Variants in ERC2 observed in about 807,000 individuals in gnomAD.
The protein encoded by ERC2 is ERC protein 2.
A neutral mutation model predicts 114.8 loss-of-function variants in ERC2; 42 were observed. The observed-to-expected ratio is 0.37, with a 90% CI of 0.29 to 0.47. ERC2 has a LOEUF of 0.47. Ranked by LOEUF, ERC2 falls within the 20% of genes least tolerant of loss-of-function variation. ERC2 has a pLI of 0.99. For synonymous variants in ERC2, 454 were observed against 425.5 expected, an observed-to-expected ratio of 1.07 and a Z score of -0.82; for missense variants, 939 against 1,150.7, an observed-to-expected ratio of 0.82 and a Z score of 2.66.
rs370930623 is a variant in ERC2 at position 55,969,187 on chromosome 3, C to A, written c.2267+16790G>T. On this transcript the variant is annotated intron_variant, in intron 12 of 17. Coordinates refer to ENST00000288221, the MANE Select transcript of ERC2 (RefSeq NM_015576.3). The stretch of plus-strand genomic sequence containing the variant: ...CAATCACTTCCAAACAACTCTCCTG[C>A]CCTACAGGAGAAAATTAAAGGTAAA... Among the ~76,000 whole-genome samples the A allele has an allele frequency of 2.0e-5, 3 of 152,102 alleles. No homozygotes were observed. In the South Asian group the frequency reaches 6.2e-4, roughly 31 times the overall value.
chr3:56,111,285 CTT>C (rs1344107175), intron 6 of ERC2, among the ~76,000 whole-genome samples: 7 of 151,774 alleles, frequency 4.6e-5, no homozygotes, highest in Non-Finnish European at 1.0e-4. Context: ...CTCGCTCCCT[CTT>C]TCTCTCTCCC....
chr3:55,679,157 C>A (rs972782474), intron 17 of ERC2, among the ~76,000 whole-genome samples: 1 of 152,170 alleles, frequency 6.6e-6, no homozygotes, highest in Non-Finnish European at 1.5e-5. Context: ...AAAGGCCCTA[C>A]GTTTTCTGGT....
At chr3:56,378,071 T>C (rs1343737249) in intron 2 of ERC2, among the ~76,000 whole-genome samples, 5 of 152,024 alleles carry the variant, frequency 3.3e-5, no homozygotes, top group African/African-American at 4.8e-5. Context: ...TACCTTCCAT[T>C]TGGGAACCCA....
At chr3:55,822,484 C>T (rs1238218084) in intron 14 of ERC2, among the ~76,000 whole-genome samples, 1 of 151,880 alleles carries the variant, frequency 6.6e-6, no homozygotes, top group African/African-American at 2.4e-5. Context: ...AGTGAGCATG[C>T]TTAATTGGTT....
intron 4 of ERC2, among the ~76,000 whole-genome samples, chr3:56,165,670 C>G (rs767713309): frequency 9.9e-5 from 15 of 151,792 alleles, no homozygotes; most frequent in Non-Finnish European, 2.1e-4. Context: ...TAGACTTGCT[C>G]TTATATATTT....
At chr3:56,359,947 C>G (rs1283335127) in intron 2 of ERC2, among the ~76,000 whole-genome samples, 3 of 152,140 alleles carry the variant, frequency 2.0e-5, no homozygotes, top group Non-Finnish European at 4.4e-5. Context: ...TCCCCTTAGG[C>G]CCCACCTTCA....
chr3:56,071,646 C>A lies in ERC2; in HGVS notation c.1641+9171G>T, dbSNP rs150965228. 2.6e-5 allele frequency among the ~76,000 whole-genome samples: 4 copies of A among 152,330 alleles called. No individual in the cohort carries two copies. The South Asian group carries it at 8.3e-4, about 32-fold the overall frequency. ...AATGAATGGGCAGGCTTCCCTGACT[C>A]TCTTTAATTGTTCCATTAGAGGGTA... On this transcript the variant is annotated intron_variant, in intron 7 of 17. Transcript: ENST00000288221.
chr3:56,161,907 C>T (rs13088316), intron 4 of ERC2, among the ~76,000 whole-genome samples: 20,611 of 152,106 alleles, frequency 0.14, 1,878 homozygotes, highest in Admixed American at 0.2. Context: ...CTGGCTAGCA[C>T]TTCCAGTACT....
In ERC2 at chr3:56,158,618, C is replaced by T. The variant is rs144482886; in HGVS notation, c.1150-9486G>A. ...CCCGTACAGGCTAGTATCATGGACC[C>T]ATTTCCCAGATGGGAAAGCTGAAGC... On this transcript the variant is annotated intron_variant, in intron 4 of 17. Transcript: ENST00000288221. Among the ~76,000 whole-genome samples the T allele has an allele frequency of 2.0e-3, 308 of 152,174 alleles. 7 individuals carry two copies. In the South Asian group the frequency reaches 0.037, roughly 18 times the overall value.
At chr3:56,186,511 T>TG (rs2083628281) in intron 3 of ERC2, among the ~76,000 whole-genome samples, 1 of 152,068 alleles carries the variant, frequency 6.6e-6, no homozygotes, top group African/African-American at 2.4e-5. Flanking sequence ...CTTTTGTTGT[T>TG]GTTGGTTTTG....
At chr3:55,805,524 G>A (rs532541973) in intron 14 of ERC2, among the ~76,000 whole-genome samples, 3 of 151,490 alleles carry the variant, frequency 2.0e-5, no homozygotes, top group Admixed American at 6.6e-5. Context: ...AATGATTGAC[G>A]AGTCCCACCA....
intron 2 of ERC2, among the ~76,000 whole-genome samples, chr3:56,422,602 G>C (rs1200762127): frequency 6.6e-6 from 1 of 152,160 alleles, no homozygotes; most frequent in East Asian, 1.9e-4. Flanking sequence ...GCATGCTGAA[G>C]ATGCTGTCAG....
chr3:55,596,728 A>G (rs1294272650), intron 17 of ERC2, among the ~76,000 whole-genome samples: 1 of 152,254 alleles, frequency 6.6e-6, no homozygotes, highest in Non-Finnish European at 1.5e-5. Flanking sequence ...AGGCAAGAGC[A>G]TTAGTACAGA....
At chr3:56,250,341 T>A (rs1448879319) in intron 3 of ERC2, among the ~76,000 whole-genome samples, 3 of 152,160 alleles carry the variant, frequency 2.0e-5, no homozygotes, top group Non-Finnish European at 4.4e-5. Flanking sequence ...CAGGAGTAGA[T>A]CAGATCATCA....
intron 14 of ERC2, among the ~76,000 whole-genome samples, chr3:55,778,412 A>G (rs62249346): frequency 1.6e-4 from 24 of 152,200 alleles, no homozygotes; most frequent in Non-Finnish European, 3.1e-4. Flanking sequence ...CATTTCATGT[A>G]TTTCACTAGA....
chr3:55,650,350 T>G (rs1048870967), intron 17 of ERC2, among the ~76,000 whole-genome samples: 1 of 152,146 alleles, frequency 6.6e-6, no homozygotes, highest in African/African-American at 2.4e-5. Context: ...CTCTCCAATT[T>G]CATCTACCAT....
chr3:55,592,036 GATT>G (rs2057916334), intron 17 of ERC2, among the ~76,000 whole-genome samples: 1 of 152,204 alleles, frequency 6.6e-6, no homozygotes, highest in African/African-American at 2.4e-5. Context: ...GGCTGGTGAG[GATT>G]CTGGGGCTGT....
At chr3:56,432,589 A>AAGGTG (rs1183458481) in intron 2 of ERC2, among the ~76,000 whole-genome samples, 2 of 152,222 alleles carry the variant, frequency 1.3e-5, no homozygotes, top group Non-Finnish European at 2.9e-5. Context: ...TCAAAAGGAT[A>AAGGTG]AGGTGATTGT....
intron 2 of ERC2, among the ~76,000 whole-genome samples, chr3:56,406,358 C>G (rs2060727016): frequency 2.0e-5 from 3 of 152,154 alleles, no homozygotes. Flanking sequence ...ACCTCCTTCT[C>G]CAGTGGTGTG....
Sources: gnomAD v4.1 joint callset for allele counts (sites outside exome capture counted in the v4.1 genomes callset) on GRCh38, gnomAD v4.1.1 for gene constraint, MANE v1.5 for transcripts, NCBI Gene and HGNC (gene_info 2026-07-23, HGNC 2026-07-21) for gene names.